The following MED12L variants were observed in gnomAD, a reference collection of about 807,000 sequenced individuals.
MED12L encodes mediator complex subunit 12L.
Under a neutral mutation model 281.3 loss-of-function variants are expected in MED12L, and 60 were observed. The observed-to-expected ratio is 0.21, with a 90% CI of 0.17 to 0.26. The LOEUF (loss-of-function observed/expected upper bound fraction) is 0.26. MED12L is among the 10% of genes least tolerant of loss of function. The probability of loss-of-function intolerance (pLI) is 1.00; values close to 1 mark genes in which losing one functional copy is unlikely to be tolerated. For missense variants in MED12L, 2,146 were observed against 2,680.9 expected, an observed-to-expected ratio of 0.80 and a Z score of 4.41; for synonymous variants, 974 against 987.2, an observed-to-expected ratio of 0.99 and a Z score of 0.25.
chr3:151,094,317 A>G (rs2148628121), intron 2 of MED12L, among the ~76,000 whole-genome samples: 1 of 152,332 alleles, frequency 6.6e-6, no homozygotes, highest in Non-Finnish European at 1.5e-5. Flanking sequence ...AGAAGTTGGA[A>G]TGATCCACAA....
chr3:151,376,311 G>T, intron 28 of MED12L, 97 bp downstream of exon 28: 7 of 1,005,104 alleles, frequency 7.0e-6, no homozygotes, highest in Non-Finnish European at 9.5e-6. Flanking sequence ...GCTAATTTGT[G>T]ATTTCAATTC....
chr3:151,300,282 A>G (rs1745725967), intron 16 of MED12L: 3 of 628,872 alleles, frequency 4.8e-6, no homozygotes, highest in East Asian at 2.8e-5. Context: ...AGTTAAAGCA[A>G]TTGCCTCCAC....
intron 5 of MED12L, among the ~76,000 whole-genome samples, chr3:151,153,727 TCTGA>T (rs1718894550): frequency 6.6e-6 from 1 of 151,782 alleles, no homozygotes; most frequent in African/African-American, 2.4e-5. Flanking sequence ...CACTACCATG[TCTGA>T]CTAATTTTTG....
At chr3:151,186,952 C>T (rs946377248) in intron 12 of MED12L, among the ~76,000 whole-genome samples, 1 of 152,164 alleles carries the variant, frequency 6.6e-6, no homozygotes, top group African/African-American at 2.4e-5. Flanking sequence ...CTGGATGAGC[C>T]TTAGCTGGCT....
chr3:151,247,962 CTTTTTTTT>C (rs61102632), intron 16 of MED12L, among the ~76,000 whole-genome samples: 47 of 75,908 alleles, frequency 6.2e-4, no homozygotes, highest in African/African-American at 2.0e-3. Flanking sequence ...TCTTCTTCTT[CTTTTTTTT>C]TTTTTTTTTT....
rs752298834 is a variant in MED12L, at chr3:151,158,794, C to G, written c.832C>G (p.Leu278Val). ...TCTTAAACTCTTGCTACCACTAATG[C>G]TGCAGGTATAGTACATGTCCCCTTG... is the stretch of plus-strand genomic sequence containing the variant. ...DLLKLLLPLM[L>V]QYSDEFVQSA... Residue 278 changes from leucine (L) to valine (V), a missense_variant, in exon 7 of 45, where the codon CTG becomes GTG. Leu to Val is a conservative substitution (Grantham distance 32). Transcript: ENST00000687756. 1 of 1,604,380 alleles carries G rather than the reference C, an allele frequency of 6.2e-7. No homozygotes were observed.
chr3:151,120,056 TAAAA>T (rs35163584), intron 3 of MED12L, among the ~76,000 whole-genome samples: 3 of 118,358 alleles, frequency 2.5e-5, no homozygotes, highest in Admixed American at 1.7e-4. Context: ...CTGTCTCTAC[TAAAA>T]AAAAAAAAAA....
At chr3:151,368,915 C>A (rs149527615) in intron 25 of MED12L, among the ~76,000 whole-genome samples, 1 of 151,922 alleles carries the variant, frequency 6.6e-6, no homozygotes, top group East Asian at 1.9e-4. Flanking sequence ...GCATGCACCA[C>A]CATGCCTGGC....
chr3:151,228,689 G>C (rs946650888), intron 16 of MED12L, among the ~76,000 whole-genome samples: 1 of 152,104 alleles, frequency 6.6e-6, no homozygotes, highest in African/African-American at 2.4e-5. Flanking sequence ...GAGTGTTTCA[G>C]TTCTAATTTA....
rs1376684919 is a variant in MED12L at position 151,115,334 on chromosome 3, T to C, written c.100-1004T>C. Reference sequence around the variant, plus strand: ...GGCTCTCTGGAAACAATTCTTTTTTTTTTTTTTTTTTTTTTTTTTTTTTTT... The same window carrying C: ...GGCTCTCTGGAAACAATTCTTTTTTCTTTTTTTTTTTTTTTTTTTTTTTTT... On this transcript the variant is annotated intron_variant, in intron 2 of 44. Coordinates refer to ENST00000687756, the MANE Select transcript of MED12L (RefSeq NM_001393769.1). Among the ~76,000 whole-genome samples the C allele has an allele frequency of 1.7e-4, 5 of 30,080 alleles. No individual in the cohort carries two copies. The East Asian group carries it at 5.0e-3, about 30-fold the overall frequency. 19.7% of individuals were successfully genotyped at this position (30,080 alleles called of 152,430 possible). A position where few individuals can be genotyped will look rare whatever the true frequency, so the allele number is the denominator to read the frequency against.
intron 16 of MED12L, chr3:151,294,334 C>G (rs539111679): frequency 1.9e-6 from 3 of 1,614,100 alleles, no homozygotes; most frequent in East Asian, 2.2e-5. Context: ...AAACATTACA[C>G]GCAGACAAGA....
chr3:151,140,181 T>C (rs1022311745), intron 5 of MED12L, among the ~76,000 whole-genome samples: 15 of 152,220 alleles, frequency 9.9e-5, no homozygotes, highest in Non-Finnish European at 1.5e-4. Context: ...TTGGAAGACC[T>C]CTAATATTTT....
At chr3:151,153,980 A>C (rs796750672) in intron 5 of MED12L, among the ~76,000 whole-genome samples, 3 of 152,220 alleles carry the variant, frequency 2.0e-5, no homozygotes, top group African/African-American at 7.2e-5. Flanking sequence ...TCCCGTCACC[A>C]TTCTGCTGTG....
intron 5 of MED12L, among the ~76,000 whole-genome samples, chr3:151,133,783 C>A (rs189326249): frequency 1.9e-3 from 284 of 152,124 alleles, no homozygotes; most frequent in Non-Finnish European, 2.3e-3. Context: ...ATATTTTGAG[C>A]TCACCAGAGA....
At chr3:151,233,054 C>T (rs1394279371) in intron 16 of MED12L, among the ~76,000 whole-genome samples, 2 of 152,224 alleles carry the variant, frequency 1.3e-5, no homozygotes, top group Non-Finnish European at 2.9e-5. Context: ...AAAACACCAA[C>T]ATTGTCCCTG....
At chr3:151,346,347 C>T (rs16863329) in intron 16 of MED12L, among the ~76,000 whole-genome samples, 3,733 of 152,210 alleles carry the variant, frequency 0.025, 148 homozygotes, top group African/African-American at 0.086. Flanking sequence ...AAACAAGAGT[C>T]TTTTGATGAT....
At chr3:151,265,358 G>A (rs1231493835) in intron 16 of MED12L, among the ~76,000 whole-genome samples, 1 of 152,200 alleles carries the variant, frequency 6.6e-6, no homozygotes. Flanking sequence ...CAGCACAGAC[G>A]TGGAATTTCT....
chr3:151,106,371 G>C (rs75510788), intron 2 of MED12L, among the ~76,000 whole-genome samples: 12 of 116,106 alleles, frequency 1.0e-4, no homozygotes, highest in Non-Finnish European at 1.8e-4. Flanking sequence ...ACAGGGTCTC[G>C]CCATGTTGGG....
chr3:151,291,830 A>G (rs73006505), intron 16 of MED12L, among the ~76,000 whole-genome samples: 10,688 of 152,250 alleles, frequency 0.07, 1,261 homozygotes, highest in African/African-American at 0.24. Context: ...AAATATAAGC[A>G]GTTTGATATT....
Sources: gnomAD v4.1 joint callset for allele counts (sites outside exome capture counted in the v4.1 genomes callset) on GRCh38, gnomAD v4.1.1 for gene constraint, MANE v1.5 for transcripts, NCBI Gene and HGNC (gene_info 2026-07-23, HGNC 2026-07-21) for gene names.